Variants in PTPN14 observed in about 807,000 individuals in gnomAD.
PTPN14 encodes the protein protein tyrosine phosphatase non-receptor type 14.
A neutral mutation model predicts 126.8 loss-of-function variants in PTPN14; 53 were observed. That is an observed-to-expected ratio of 0.42 (90% CI 0.34 to 0.53). The LOEUF (loss-of-function observed/expected upper bound fraction) is 0.53, where lower values mean the gene tolerates loss of function less well. Among genes scored for constraint, PTPN14 ranks in the 20% least tolerant of loss-of-function variants. The pLI is 0.08. For synonymous variants in PTPN14, 630 were observed against 599.3 expected (o/e 1.05, Z -0.75); for missense variants, 1,257 against 1,552.9 (o/e 0.81, Z 3.20).
Position 214,520,065 on chromosome 1 carries a change from A to AAAAATATATAT in PTPN14, c.-155+31117_-155+31118insATATATATTTT. Among the ~76,000 whole-genome samples, 72 of 71,100 alleles carry AAAAATATATAT rather than the reference A, an allele frequency of 1.0e-3. 1 individual carries two copies. Among genetic ancestry groups the AAAAATATATAT allele is most frequent in the African/African-American group, 4.8e-3 (66 of 13,680 alleles). The allele number at this position is 71,100 out of a possible 152,430, so 46.6% of individuals were successfully genotyped here. ...CCTGTCTCAAAAAAAAAAAAAAAAA[A>AAAAATATATAT]ATATATATATATATATATGCAGAAT... On this transcript the variant is annotated intron_variant, in intron 1 of 18. Transcript: ENST00000366956.
At chr1:214,523,689 G>C (rs556357972) in intron 1 of PTPN14, among the ~76,000 whole-genome samples, 1 of 152,272 alleles carries the variant, frequency 6.6e-6, no homozygotes, top group Non-Finnish European at 1.5e-5. Flanking sequence ...ACTTCCGGAG[G>C]TATCTGGGCT....
intron 1 of PTPN14, among the ~76,000 whole-genome samples, chr1:214,479,681 T>C (rs1436793243): frequency 6.6e-6 from 1 of 152,182 alleles, no homozygotes; most frequent in Non-Finnish European, 1.5e-5. Context: ...AAAGACTTAT[T>C]AAAACAGCTT....
At chr1:214,433,864 C>A (rs981557327) in intron 3 of PTPN14, among the ~76,000 whole-genome samples, 2 of 149,380 alleles carry the variant, frequency 1.3e-5, no homozygotes, top group African/African-American at 5.0e-5. Flanking sequence ...TGAGGCAGGA[C>A]GACTGCTTGA....
At chr1:214,426,296 C>T (rs1471841304) in intron 3 of PTPN14, among the ~76,000 whole-genome samples, 1 of 151,976 alleles carries the variant, frequency 6.6e-6, no homozygotes, top group East Asian at 1.9e-4. Context: ...CAAAATCATG[C>T]TTGATATTTT....
chr1:214,536,193 G>A (rs1185772158), intron 1 of PTPN14, among the ~76,000 whole-genome samples: 4 of 151,770 alleles, frequency 2.6e-5, no homozygotes, highest in African/African-American at 9.7e-5. Flanking sequence ...AGATAACTTG[G>A]GGCCAGGAGT....
Position 214,364,387 on chromosome 1 carries a change from G to A in PTPN14, c.3435+125C>T, listed in dbSNP as rs1658025058. ...GAGTCAAACTAGGAACCAGGAGCCTGGAAAACTCTGGTTGGGAGACAGGAA... is the reference window on the plus strand; with the variant it reads ...GAGTCAAACTAGGAACCAGGAGCCTAGAAAACTCTGGTTGGGAGACAGGAA... On this transcript the variant is annotated intron_variant, in intron 18 of 18. Transcript: ENST00000366956. The surrounding 1 kb of genome is among the most constrained non-coding windows in gnomAD (Gnocchi z 4.1). 7.8e-7 allele frequency: 1 copy of A among 1,278,476 alleles called. No homozygotes were observed. The highest frequency in any genetic ancestry group is 1.1e-6 in the Non-Finnish European group (1 of 933,298). The allele number at this position is 1,278,476 out of a possible 1,614,324, so 79.2% of individuals were successfully genotyped here.
chr1:214,537,516 A>G (rs1206602672), intron 1 of PTPN14, among the ~76,000 whole-genome samples: 1 of 152,208 alleles, frequency 6.6e-6, no homozygotes, highest in Non-Finnish European at 1.5e-5. Flanking sequence ...CTCATCTACA[A>G]TAGGCCAAAG....
chr1:214,484,784 A>T (rs1661075582), intron 1 of PTPN14, among the ~76,000 whole-genome samples: 1 of 152,226 alleles, frequency 6.6e-6, no homozygotes, highest in Non-Finnish European at 1.5e-5. Context: ...CTCCATGCAG[A>T]TGGGAACAGA....
intron 6 of PTPN14, among the ~76,000 whole-genome samples, chr1:214,402,649 G>GGAAA (rs1659052469): frequency 2.1e-5 from 2 of 93,426 alleles, no homozygotes; most frequent in African/African-American, 7.3e-5. Context: ...AAGGAAGGAA[G>GGAAA]GAAGGAAGGA....
Position 214,459,844 on chromosome 1 carries a change from T to A in PTPN14, c.174+4786A>T, listed in dbSNP as rs117647406. 2.8e-4 allele frequency among the ~76,000 whole-genome samples: 42 copies of A among 152,334 alleles called. No individual in the cohort carries two copies. The East Asian group carries it at 7.9e-3, about 29-fold the overall frequency. ...CAAGGTAACTATGTCATGCTCCTCCTTGGAGTCCTCTGATGACCTTACACT... is the reference window on the plus strand; with the variant it reads ...CAAGGTAACTATGTCATGCTCCTCCATGGAGTCCTCTGATGACCTTACACT... On this transcript the variant is annotated intron_variant, in intron 2 of 18. Coordinates refer to ENST00000366956, the MANE Select transcript of PTPN14 (RefSeq NM_005401.5).
At chr1:214,375,249 C>A (rs182223003) in intron 15 of PTPN14, among the ~76,000 whole-genome samples, 1 of 152,288 alleles carries the variant, frequency 6.6e-6, no homozygotes, top group East Asian at 1.9e-4. Flanking sequence ...AGATATCTAA[C>A]TCGCCTTTTA....
chr1:214,450,044 G>A (rs575444074), intron 3 of PTPN14, among the ~76,000 whole-genome samples: 1 of 151,926 alleles, frequency 6.6e-6, no homozygotes, highest in Admixed American at 6.6e-5. Flanking sequence ...GACGCAGGAG[G>A]ATTGCGGGAG....
At chr1:214,505,398 A>G (rs908271676) in intron 1 of PTPN14, among the ~76,000 whole-genome samples, 3 of 152,156 alleles carry the variant, frequency 2.0e-5, no homozygotes, top group Non-Finnish European at 4.4e-5. Flanking sequence ...AAGGGAGGTC[A>G]GATAAGGACT....
At chr1:214,460,575 C>A (rs1660488372) in intron 2 of PTPN14, among the ~76,000 whole-genome samples, 1 of 149,052 alleles carries the variant, frequency 6.7e-6, no homozygotes. Flanking sequence ...AAACTGAACT[C>A]TGCCTTTCCC....
At chr1:214,463,461 C>A (rs1333734382) in intron 2 of PTPN14, among the ~76,000 whole-genome samples, 1 of 152,132 alleles carries the variant, frequency 6.6e-6, no homozygotes, top group Non-Finnish European at 1.5e-5. Flanking sequence ...AAAAGGAATA[C>A]CTGATCACTG....
rs968313863 is a variant in PTPN14 at position 214,532,958 on chromosome 1, G to A, written c.-155+18225C>T. Reference sequence around the variant, plus strand: ...TGGGCCCAATATGACAAGCTGGCTCGGAAGAACCGAGAGGAGCTGGACAAG... The same window carrying A: ...TGGGCCCAATATGACAAGCTGGCTCAGAAGAACCGAGAGGAGCTGGACAAG... On this transcript the variant is annotated intron_variant, in intron 1 of 18. Coordinates refer to ENST00000366956, the MANE Select transcript of PTPN14 (RefSeq NM_005401.5). The A allele has an allele frequency of 9.7e-5, 76 of 784,674 alleles. 1 individual carries two copies. The highest frequency in any genetic ancestry group is 9.3e-4 in the South Asian group (69 of 74,264). The allele number at this position is 784,674 out of a possible 1,614,324, so 48.6% of individuals were successfully genotyped here.
chr1:214,403,056 C>T, intron 5 of PTPN14, 103 bp from the exon 6 acceptor site: 3 of 1,129,106 alleles, frequency 2.7e-6, no homozygotes, highest in South Asian at 2.6e-5. Flanking sequence ...TGATTAGTCA[C>T]ATTTCCTCAA....
intron 1 of PTPN14, among the ~76,000 whole-genome samples, chr1:214,494,275 G>A (rs942007073): frequency 6.6e-6 from 1 of 152,112 alleles, no homozygotes; most frequent in Non-Finnish European, 1.5e-5. Flanking sequence ...AGCCAGGATG[G>A]TATCTCTCGA....
intron 1 of PTPN14, among the ~76,000 whole-genome samples, chr1:214,534,484 C>T (rs1005126185): frequency 1.3e-5 from 2 of 151,918 alleles, no homozygotes; most frequent in Admixed American, 6.6e-5. Flanking sequence ...GAGGCCGAGG[C>T]GGGCGGATCA....
Sources: allele counts gnomAD v4.1 joint callset (sites outside exome capture counted in the v4.1 genomes callset), GRCh38; gene constraint gnomAD v4.1.1; non-coding constraint Gnocchi (gnomAD v3.1); transcripts MANE v1.5; gene names NCBI Gene and HGNC (gene_info 2026-07-23, HGNC 2026-07-21).